Variants in GTF2I observed in about 807,000 individuals in gnomAD.
The protein encoded by GTF2I is general transcription factor IIi.
Under a neutral mutation model 67.6 loss-of-function variants are expected in GTF2I, and 12 were observed. The ratio of observed to expected loss-of-function variants is 0.18; its 90% CI spans 0.11 to 0.29. GTF2I has a LOEUF of 0.29. GTF2I is among the 10% of genes least tolerant of loss of function. The pLI, the probability that GTF2I is intolerant of heterozygous loss-of-function variation, is 1.00. For synonymous variants in GTF2I, 149 were observed against 197.0 expected (o/e 0.76, Z 2.04); for missense variants, 271 against 580.1 (o/e 0.47, Z 5.47).
At chr7:74,693,172 T>A (rs181766281) in intron 3 of GTF2I, among the ~76,000 whole-genome samples, 33 of 152,136 alleles carry the variant, frequency 2.2e-4, no homozygotes, top group Non-Finnish European at 2.9e-5. Context: ...TCCTGCAGCA[T>A]GTGCTTACTT....
chr7:74,688,266 G>A (rs1308289841), intron 1 of GTF2I, among the ~76,000 whole-genome samples: 3 of 151,932 alleles, frequency 2.0e-5, no homozygotes, highest in Non-Finnish European at 4.4e-5. Context: ...TTTAGTAGAG[G>A]CAGAGTTTTG....
At chr7:74,707,454 A>G (rs1790888282) in intron 8 of GTF2I, among the ~76,000 whole-genome samples, 1 of 151,522 alleles carries the variant, frequency 6.6e-6, no homozygotes, top group Non-Finnish European at 1.5e-5. Flanking sequence ...GCTTCACCCC[A>G]TCTAAGGGCA....
At chr7:74,688,936 A>C (rs1787990286) in intron 1 of GTF2I, 188 bp from the exon 2 acceptor site, 1 of 502,962 alleles carries the variant, frequency 2.0e-6, no homozygotes, top group Non-Finnish European at 3.5e-6. Flanking sequence ...TATATAGAAA[A>C]TTAGGGGATA....
rs146689774 is a variant in GTF2I, at chr7:74,689,179, G to A, written c.51G>A (p.Ser17=). The A allele has an allele frequency of 4.2e-4, 674 of 1,612,938 alleles. 4 individuals carry two copies. The Middle Eastern group carries it at 6.1e-3, about 15-fold the overall frequency. The change falls in exon 2 of 35, where the codon TCG becomes TCA. Residue 17 remains serine (S), a synonymous_variant. Coordinates refer to ENST00000573035, the MANE Select transcript of GTF2I (RefSeq NM_032999.4). The stretch of plus-strand genomic sequence containing the variant: ...TCCCCGTTGAAGATGAGGAGTCCTC[G>A]GAGAGCAGGATGGTGGTGACATTCC... ...STLPVEDEES[S]ESRMVVTFLM... is the part of the protein sequence containing the mutation.
At position 74,726,417 on chromosome 7, in the gene GTF2I, T is replaced by C. The variant is rs587696217; in HGVS notation, c.944-2369T>C. The C allele has an allele frequency of 9.0e-4, 137 of 152,344 alleles. 2 individuals carry two copies. Among genetic ancestry groups the C allele is most frequent in the African/African-American group, 3.2e-3 (131 of 41,580 alleles). The allele number at this position is 152,344 out of a possible 1,614,324, so 9.4% of individuals were successfully genotyped here. A position where few individuals can be genotyped will look rare whatever the true frequency, so the allele number is the denominator to read the frequency against. On this transcript the variant is annotated intron_variant, in intron 12 of 34. Coordinates refer to ENST00000573035, the MANE Select transcript of GTF2I (RefSeq NM_032999.4). ...ATTGAGGTCCAAACTTACACACTTC[T>C]GTTTTCCAGATTGTTTCTACTTAGG...
intron 1 of GTF2I, among the ~76,000 whole-genome samples, chr7:74,670,997 T>C (rs1401727972): frequency 6.6e-6 from 1 of 151,976 alleles, no homozygotes; most frequent in African/African-American, 2.4e-5. Flanking sequence ...TTTTTCCTTG[T>C]TTGTTTTTTA....
chr7:74,722,691 T>C (rs1793182768), intron 12 of GTF2I: 1 of 152,230 alleles, frequency 6.6e-6, no homozygotes, highest in Non-Finnish European at 1.5e-5. Flanking sequence ...ATTTCTCATA[T>C]TTTGAAAGGT....
intron 9 of GTF2I, among the ~76,000 whole-genome samples, chr7:74,713,768 A>G (rs1159686522): frequency 6.6e-6 from 1 of 152,162 alleles, no homozygotes; most frequent in African/African-American, 2.4e-5. Flanking sequence ...CTAAGGTTGC[A>G]TTTTTAAATC....
chr7:74,661,189 C>T (rs1804456356), intron 1 of GTF2I, among the ~76,000 whole-genome samples: 2 of 152,152 alleles, frequency 1.3e-5, no homozygotes, highest in East Asian at 3.9e-4. Context: ...CTGGCATGTG[C>T]GGACTCTGCT....
At chr7:74,677,801 A>G (rs1421548114) in intron 1 of GTF2I, among the ~76,000 whole-genome samples, 2 of 150,846 alleles carry the variant, frequency 1.3e-5, no homozygotes, top group Non-Finnish European at 1.5e-5. Context: ...AAAAAAGTAA[A>G]TTTGGGTTTT....
intron 19 of GTF2I, among the ~76,000 whole-genome samples, chr7:74,739,024 C>CTT (rs1278776135): frequency 1.4e-3 from 33 of 23,034 alleles, no homozygotes; most frequent in African/African-American, 2.2e-3. Flanking sequence ...TCTTTCCTAT[C>CTT]TTTTTTTTTT....
chr7:74,671,347 A>G (rs1554390601), intron 1 of GTF2I, among the ~76,000 whole-genome samples: 3 of 152,014 alleles, frequency 2.0e-5, no homozygotes, highest in Admixed American at 1.3e-4. Flanking sequence ...CTGGCCTCCC[A>G]AAGTGCTGGG....
chr7:74,666,970 ACT>A (rs1367067959), intron 1 of GTF2I, among the ~76,000 whole-genome samples: 3 of 151,790 alleles, frequency 2.0e-5, no homozygotes, highest in African/African-American at 2.4e-5. Context: ...ACAGTGTGAC[ACT>A]CTGTCTCAAA....
intron 26 of GTF2I, among the ~76,000 whole-genome samples, chr7:74,749,804 C>T (rs1159256957): frequency 7.3e-6 from 1 of 137,714 alleles, no homozygotes; most frequent in Non-Finnish European, 1.6e-5. Context: ...AGGAGAATCA[C>T]TTGAACCCAG....
rs1264118907 is a variant in GTF2I, at chr7:74,750,377, G to A, written c.2420+926G>A. On this transcript the variant is annotated intron_variant, in intron 26 of 34. Transcript: ENST00000573035. Reference sequence around the variant, plus strand: ...GGAGAATCACTTGAACCCAGGAGGCGGAGGAGATCGTGCCATTGCACTCCA... The same window carrying A: ...GGAGAATCACTTGAACCCAGGAGGCAGAGGAGATCGTGCCATTGCACTCCA... Among the ~76,000 whole-genome samples the A allele has an allele frequency of 8.6e-4, 85 of 98,834 alleles. No individual in the cohort carries two copies. In the Admixed American group the frequency reaches 9.0e-3, roughly 10 times the overall value. 64.8% of individuals were successfully genotyped at this position (98,834 alleles called of 152,430 possible). A position where few individuals can be genotyped will look rare whatever the true frequency, so the allele number is the denominator to read the frequency against.
Position 74,720,789 on chromosome 7 carries a change from C to T in GTF2I, c.943+1848C>T, listed in dbSNP as rs1203246985. 2.9e-5 allele frequency among the ~76,000 whole-genome samples: 4 copies of T among 139,286 alleles called. No individual in the cohort carries two copies. In the East Asian group the frequency reaches 8.5e-4, roughly 30 times the overall value. 91.4% of individuals were successfully genotyped at this position (139,286 alleles called of 152,430 possible). ...ACAGAGTCTGGCTCTGTCGCCCAGG[C>T]TGGAGTGCAGTGGTGCGATCTCGGC... On this transcript the variant is annotated intron_variant, in intron 12 of 34. Coordinates refer to ENST00000573035, the MANE Select transcript of GTF2I (RefSeq NM_032999.4).
chr7:74,671,895 G>A (rs1480305737), intron 1 of GTF2I, among the ~76,000 whole-genome samples: 2 of 151,694 alleles, frequency 1.3e-5, no homozygotes, highest in African/African-American at 4.8e-5. Context: ...GAGGTGGGAG[G>A]ATTGCTTGAG....
At chr7:74,671,498 G>A (rs1320374458) in intron 1 of GTF2I, among the ~76,000 whole-genome samples, 2 of 150,556 alleles carry the variant, frequency 1.3e-5, no homozygotes, top group African/African-American at 4.9e-5. Flanking sequence ...CTTTAATGGG[G>A]TCACCATACT....
chr7:74,691,206 T>TTA, intron 3 of GTF2I, 95 bp downstream of exon 3: 4 of 970,252 alleles, frequency 4.1e-6, no homozygotes, highest in African/African-American at 1.7e-5. Context: ...CTTTCTTTCT[T>TTA]TCTTTTTTTT....
Sources: gnomAD v4.1 joint callset for allele counts (sites outside exome capture counted in the v4.1 genomes callset) on GRCh38, gnomAD v4.1.1 for gene constraint, MANE v1.5 for transcripts, NCBI Gene and HGNC (gene_info 2026-07-23, HGNC 2026-07-21) for gene names.